SPESP1: variants seen among roughly 807,000 people sequenced by gnomAD.
SPESP1 encodes equatorial segment protein.
SPESP1 carries 1 observed loss-of-function variant against 3.1 expected under a neutral mutation model. The ratio of observed to expected loss-of-function variants is 0.33; its 90% CI spans 0.12 to 1.54. The LOEUF (loss-of-function observed/expected upper bound fraction) is 1.54. Among genes scored for constraint, SPESP1 ranks in the 40% most tolerant of loss-of-function variants. SPESP1 has a pLI of 0.38. For missense variants in SPESP1, 398 were observed against 410.1 expected (o/e 0.97, Z 0.26); for synonymous variants, 138 against 150.7 (o/e 0.92, Z 0.62).
Position 68,946,333 on chromosome 15 carries a change from C to G in SPESP1, c.799C>G (p.Leu267Val). 1.2e-6 allele frequency: 2 copies of G among 1,614,168 alleles called. No individual in the cohort carries two copies. The highest frequency in any genetic ancestry group is 1.7e-6 in the Non-Finnish European group (2 of 1,180,046). Reference sequence around the variant, plus strand: ...AGATCACCTAAAACGAAGCCTTGCTCTAGCAGCAGCAGCAGAACATAAATT... The same window carrying G: ...AGATCACCTAAAACGAAGCCTTGCTGTAGCAGCAGCAGCAGAACATAAATT... ...SKDHLKRSLA[L>V]AAAAEHKLKT... Residue 267 changes from leucine (L) to valine (V), a missense_variant, in exon 2 of 2, where the codon CTA (leucine) becomes GTA (valine). Leu to Val is a conservative substitution (Grantham distance 32, BLOSUM62 1). Coordinates refer to ENST00000310673, the MANE Select transcript of SPESP1 (RefSeq NM_145658.4).
chr15:68,937,049 T>C (rs549499710), intron 1 of SPESP1, among the ~76,000 whole-genome samples: 2 of 152,332 alleles, frequency 1.3e-5, no homozygotes, highest in East Asian at 3.9e-4. Flanking sequence ...GTAATAATTA[T>C]TGGACAATTA....
chr15:68,946,277 C>T lies in SPESP1; in HGVS notation c.743C>T (p.Pro248Leu), dbSNP rs765355443. Reference protein sequence around the residue: ...QQALLSDTSNPAYREDIEASK... With the variant: ...QQALLSDTSNLAYREDIEASK... ...GCACTTCTTAGTGACACCAGCAACC[C>T]AGCATATAGAGAAGATATTGAAGCC... Residue 248 changes from proline (P) to leucine (L), a missense_variant, in exon 2 of 2, where the codon CCA becomes CTA. Pro to Leu is a moderately conservative substitution (Grantham distance 98). Coordinates refer to ENST00000310673, the MANE Select transcript of SPESP1 (RefSeq NM_145658.4). 2.0e-5 allele frequency: 33 copies of T among 1,613,940 alleles called. No homozygotes were observed. Among genetic ancestry groups the T allele is most frequent in the Non-Finnish European group, 2.8e-5 (33 of 1,180,034 alleles).
intron 1 of SPESP1, among the ~76,000 whole-genome samples, chr15:68,932,176 A>G (rs1254663972): frequency 1.3e-5 from 2 of 152,134 alleles, no homozygotes; most frequent in Non-Finnish European, 2.9e-5. Context: ...TCTGATGATC[A>G]TTATTACTAA....
In SPESP1 at chr15:68,945,793, AATG is replaced by A. The variant is rs766379041; in HGVS notation, c.263_265del (p.Asp88del). On this transcript the variant is annotated inframe_deletion, in exon 2 of 2. Transcript: ENST00000310673. ...TACACATGGAGACGCTTCAACTGAGAATGATGTTTTAACCAATCCTATCAGTGA... is the reference window on the plus strand; with the variant it reads ...TACACATGGAGACGCTTCAACTGAGAATGTTTTAACCAATCCTATCAGTGA... 1 of 1,613,894 alleles carries A rather than the reference AATG, an allele frequency of 6.2e-7. No homozygotes were observed. The highest frequency in any genetic ancestry group is 1.1e-5 in the South Asian group (1 of 91,058).
chr15:68,946,556 G>T lies in SPESP1; in HGVS notation c.1022G>T (p.Arg341Met), dbSNP rs760524913. 1.3e-6 allele frequency: 2 copies of T among 1,553,840 alleles called. No homozygotes were observed. Among genetic ancestry groups the T allele is most frequent in the South Asian group, 1.3e-5 (1 of 77,946 alleles). Residue 341 changes from arginine to methionine, a missense_variant, in exon 2 of 2, where the codon AGG (arginine) becomes ATG (methionine). Coordinates refer to ENST00000310673, the MANE Select transcript of SPESP1 (RefSeq NM_145658.4). ...FNTLKNMCRS[R>M]RVTALLKVY is the part of the protein sequence containing the mutation. ...ACATTAAAAAATATGTGTAGATCAA[G>T]GAGAGTCACAGCCTTATTAAAAGTT...
chr15:68,937,506 T>TA (rs891199913), intron 1 of SPESP1, among the ~76,000 whole-genome samples: 93 of 147,704 alleles, frequency 6.3e-4, no homozygotes, highest in East Asian at 1.2e-3. Context: ...TTATTTCTTC[T>TA]AAAAAAAAAA....
Position 68,946,049 on chromosome 15 carries a change from C to T in SPESP1, c.515C>T (p.Pro172Leu). 1.2e-6 allele frequency: 2 copies of T among 1,614,122 alleles called. No individual in the cohort carries two copies. The highest frequency in any genetic ancestry group is 1.7e-6 in the Non-Finnish European group (2 of 1,180,018). The change falls in exon 2 of 2, where the codon CCA becomes CTA. Residue 172 changes from proline to leucine, a missense_variant. Physicochemically the swap from Pro to Leu is moderately conservative, Grantham distance 98. Coordinates refer to ENST00000310673, the MANE Select transcript of SPESP1 (RefSeq NM_145658.4). Reference sequence around the variant, plus strand: ...GTTGTTACTGAATCATCTACAAGTCCATATGTTACCTCATACAAGTCACCT... The same window carrying T: ...GTTGTTACTGAATCATCTACAAGTCTATATGTTACCTCATACAAGTCACCT... The part of the protein sequence containing the change: ...LPVVTESSTS[P>L]YVTSYKSPVT...
chr15:68,937,770 AT>A (rs1895721326), intron 1 of SPESP1, among the ~76,000 whole-genome samples: 1 of 152,198 alleles, frequency 6.6e-6, no homozygotes, highest in African/African-American at 2.4e-5. Context: ...AGGTTTTATC[AT>A]TTAAAAATAT....
rs750707545 is a variant in SPESP1, at chr15:68,946,201, AATG to A, written c.672_674del (p.Asp225del). 1 of 1,614,072 alleles carries A rather than the reference AATG, an allele frequency of 6.2e-7. No homozygotes were observed. Among genetic ancestry groups the A allele is most frequent in the African/African-American group, 1.3e-5 (1 of 74,928 alleles). On this transcript the variant is annotated inframe_deletion, in exon 2 of 2. Coordinates refer to ENST00000310673, the MANE Select transcript of SPESP1 (RefSeq NM_145658.4). ...TGGAAAGCACCCAGAGAGTTGGAATAATGATGACATTTTGAAAAAAATTTTAGA... is the reference window on the plus strand; with the variant it reads ...TGGAAAGCACCCAGAGAGTTGGAATAATGACATTTTGAAAAAAATTTTAGA...
In SPESP1 at chr15:68,946,664, G is replaced by C. The variant is rs920349823; in HGVS notation, c.*77G>C. The C allele has an allele frequency of 7.7e-7, 1 of 1,304,024 alleles. No homozygotes were observed. The highest frequency in any genetic ancestry group is 1.5e-5 in the African/African-American group (1 of 65,686). The allele number at this position is 1,304,024 out of a possible 1,614,324, so 80.8% of individuals were successfully genotyped here. Reference sequence around the variant, plus strand: ...TTAAGCAAACTGCATTTTTTCACAGGAGAAATAATCATATTCGTAATTTCA... The same window carrying C: ...TTAAGCAAACTGCATTTTTTCACAGCAGAAATAATCATATTCGTAATTTCA... On this transcript the variant is annotated 3_prime_UTR_variant, in exon 2 of 2. Coordinates refer to ENST00000310673, the MANE Select transcript of SPESP1 (RefSeq NM_145658.4).
intron 1 of SPESP1, among the ~76,000 whole-genome samples, chr15:68,935,675 A>G (rs1370954537): frequency 6.6e-6 from 1 of 152,276 alleles, no homozygotes; most frequent in Non-Finnish European, 1.5e-5. Context: ...GTAAAGCCAT[A>G]AAGTTACATT....
Position 68,946,326 on chromosome 15 carries a change from C to A in SPESP1, c.792C>A (p.Ser264Arg). Residue 264 changes from serine to arginine, a missense_variant, in exon 2 of 2, where the codon AGC becomes AGA. Transcript: ENST00000310673. Reference sequence around the variant, plus strand: ...CCTCTAAAGATCACCTAAAACGAAGCCTTGCTCTAGCAGCAGCAGCAGAAC... The same window carrying A: ...CCTCTAAAGATCACCTAAAACGAAGACTTGCTCTAGCAGCAGCAGCAGAAC... ...IEASKDHLKR[S>R]LALAAAAEHK... 6 of 1,614,126 alleles carry A rather than the reference C, an allele frequency of 3.7e-6. No individual in the cohort carries two copies. Among genetic ancestry groups the A allele is most frequent in the Non-Finnish European group, 5.1e-6 (6 of 1,180,040 alleles).
chr15:68,930,544 C>T lies in SPESP1; in HGVS notation c.-110C>T. 4 of 1,448,130 alleles carry T rather than the reference C, an allele frequency of 2.8e-6. No homozygotes were observed. Among genetic ancestry groups the T allele is most frequent in the Non-Finnish European group, 3.8e-6 (4 of 1,046,570 alleles). The allele number at this position is 1,448,130 out of a possible 1,614,324, so 89.7% of individuals were successfully genotyped here. A position where few individuals can be genotyped will look rare whatever the true frequency, so the allele number is the denominator to read the frequency against. On this transcript the variant is annotated 5_prime_UTR_variant, in exon 1 of 2. Transcript: ENST00000310673. Reference sequence around the variant, plus strand: ...ACAACCGTTGCTGGGTGTCCCAGGGCCTGAGGCAGGACGGTACTCCGCTGA... The same window carrying T: ...ACAACCGTTGCTGGGTGTCCCAGGGTCTGAGGCAGGACGGTACTCCGCTGA...
At chr15:68,943,624 C>A (rs1289225104) in intron 1 of SPESP1, among the ~76,000 whole-genome samples, 1 of 152,022 alleles carries the variant, frequency 6.6e-6, no homozygotes, top group Non-Finnish European at 1.5e-5. Flanking sequence ...GCAGCCACCC[C>A]CTGATTTTAC....
rs1360402973 is a variant in SPESP1, at chr15:68,930,590, A to G, written c.-64A>G. The G allele has an allele frequency of 2.5e-6, 4 of 1,604,530 alleles. No homozygotes were observed. Among genetic ancestry groups the G allele is most frequent in the Middle Eastern group, 1.7e-4 (1 of 6,040 alleles). On this transcript the variant is annotated 5_prime_UTR_variant, in exon 1 of 2. Transcript: ENST00000310673. Reference sequence around the variant, plus strand: ...GCTGACACCTTCCCTTTCGGCCTTGAGGTTCCCAGCCTGGTGGCCCCAGGA... The same window carrying G: ...GCTGACACCTTCCCTTTCGGCCTTGGGGTTCCCAGCCTGGTGGCCCCAGGA...
At chr15:68,935,222 C>T (rs533533336) in intron 1 of SPESP1, among the ~76,000 whole-genome samples, 32 of 152,194 alleles carry the variant, frequency 2.1e-4, no homozygotes, top group African/African-American at 6.3e-4. Flanking sequence ...ACTCTTTATC[C>T]GCACTAGAAT....
Position 68,946,295 on chromosome 15 carries a change from T to G in SPESP1, c.761T>G (p.Ile254Ser). The G allele has an allele frequency of 1.9e-6, 3 of 1,614,094 alleles. No homozygotes were observed. Among genetic ancestry groups the G allele is most frequent in the Non-Finnish European group, 8.5e-7 (1 of 1,180,032 alleles). Residue 254 changes from isoleucine (I) to serine (S), a missense_variant, in exon 2 of 2, where the codon ATT becomes AGT. Ile to Ser is a moderately radical substitution (Grantham distance 142). Transcript: ENST00000310673. The part of the protein sequence containing the change: ...DTSNPAYRED[I>S]EASKDHLKRS... ...AGCAACCCAGCATATAGAGAAGATATTGAAGCCTCTAAAGATCACCTAAAA... is the reference window on the plus strand; with the variant it reads ...AGCAACCCAGCATATAGAGAAGATAGTGAAGCCTCTAAAGATCACCTAAAA...
Position 68,945,982 on chromosome 15 carries a change from G to A in SPESP1, c.448G>A (p.Glu150Lys). 6.2e-7 allele frequency: 1 copy of A among 1,614,120 alleles called. No homozygotes were observed. Residue 150 changes from glutamate to lysine, a missense_variant, in exon 2 of 2, where the codon GAG (glutamate) becomes AAG (lysine). By Grantham distance (56) the Glu-to-Lys change is moderately conservative (BLOSUM62 1). Transcript: ENST00000310673. Reference sequence around the variant, plus strand: ...AAATGAAGAGCCAGAGCCAGAGCCGGAGCCAGCTGCAAAACAAACTGAGGC... The same window carrying A: ...AAATGAAGAGCCAGAGCCAGAGCCGAAGCCAGCTGCAAAACAAACTGAGGC... ...IENEEPEPEP[E>K]PAAKQTEAPR...
intron 1 of SPESP1, among the ~76,000 whole-genome samples, chr15:68,931,701 G>C (rs1388787099): frequency 6.6e-6 from 1 of 152,118 alleles, no homozygotes; most frequent in Non-Finnish European, 1.5e-5. Flanking sequence ...AAACCAATAA[G>C]GTCAAATTCA....
Sources: gnomAD v4.1 joint callset for allele counts (sites outside exome capture counted in the v4.1 genomes callset) on GRCh38, gnomAD v4.1.1 for gene constraint, MANE v1.5 for transcripts, NCBI Gene and HGNC (gene_info 2026-07-23, HGNC 2026-07-21) for gene names.